The following FAR2 variants were observed in gnomAD, a reference collection of about 807,000 sequenced individuals.
The protein encoded by FAR2 is fatty acyl-CoA reductase 2.
FAR2 carries 19 observed loss-of-function variants against 56.0 expected under a neutral mutation model. The ratio of observed to expected loss-of-function variants is 0.34; its 90% CI spans 0.24 to 0.50. The LOEUF is 0.50. Ranked by LOEUF, FAR2 falls within the 20% of genes least tolerant of loss-of-function variation. The probability of loss-of-function intolerance (pLI) is 0.98; values close to 1 mark genes in which losing one functional copy is unlikely to be tolerated. For missense variants in FAR2, 508 were observed against 642.2 expected, an observed-to-expected ratio of 0.79 and a Z score of 2.26; for synonymous variants, 219 against 218.8, an observed-to-expected ratio of 1.00 and a Z score of -0.01.
At chr12:29,260,659 G>A (rs1024504586) in intron 1 of FAR2, among the ~76,000 whole-genome samples, 1 of 152,108 alleles carries the variant, frequency 6.6e-6, no homozygotes, top group Non-Finnish European at 1.5e-5. Context: ...TTCAGTGCCA[G>A]CTCAGCCAAT....
At chr12:29,258,885 C>T (rs1173261752) in intron 1 of FAR2, among the ~76,000 whole-genome samples, 1 of 152,168 alleles carries the variant, frequency 6.6e-6, no homozygotes, top group Non-Finnish European at 1.5e-5. Flanking sequence ...CTGAAAAAAA[C>T]TTGGTGAAAA....
At chr12:29,303,936 CTCA>C (rs1209225135) in intron 4 of FAR2, among the ~76,000 whole-genome samples, 1 of 152,158 alleles carries the variant, frequency 6.6e-6, no homozygotes, top group African/African-American at 2.4e-5. Context: ...CAGCATCTGG[CTCA>C]TGTTTGAGCC....
chr12:29,240,236 C>T (rs564745708), intron 1 of FAR2, among the ~76,000 whole-genome samples: 1 of 152,304 alleles, frequency 6.6e-6, no homozygotes, highest in African/African-American at 2.4e-5. Context: ...AAACATAACT[C>T]ATGCCAGATT....
chr12:29,288,624 T>C (rs917147897), intron 2 of FAR2, among the ~76,000 whole-genome samples: 3 of 152,104 alleles, frequency 2.0e-5, no homozygotes, highest in African/African-American at 7.2e-5. Flanking sequence ...ATTATAAAAA[T>C]AGAAGGTCTG....
intron 2 of FAR2, among the ~76,000 whole-genome samples, chr12:29,285,047 T>C (rs943557369): frequency 2.0e-5 from 3 of 152,126 alleles, no homozygotes; most frequent in African/African-American, 7.2e-5. Context: ...TTCACTGTGT[T>C]AGCCAGGATG....
chr12:29,181,123 T>A (rs1411279381), intron 1 of FAR2, among the ~76,000 whole-genome samples: 1 of 152,174 alleles, frequency 6.6e-6, no homozygotes, highest in Non-Finnish European at 1.5e-5. Context: ...TATCTTGTTA[T>A]TATGCTTAGA....
At chr12:29,171,360 G>C (rs1170072420) in intron 1 of FAR2, 1 of 152,382 alleles carries the variant, frequency 6.6e-6, no homozygotes, top group African/African-American at 2.4e-5. Context: ...GTTTCTCATA[G>C]GACAATCTTT....
At chr12:29,213,233 G>C (rs1178995432) in intron 1 of FAR2, among the ~76,000 whole-genome samples, 1 of 151,856 alleles carries the variant, frequency 6.6e-6, no homozygotes, top group African/African-American at 2.4e-5. Context: ...ACAAGCAGAA[G>C]ATGAGTAGGA....
chr12:29,171,107 A>G (rs1213149413), intron 1 of FAR2, among the ~76,000 whole-genome samples: 1 of 152,254 alleles, frequency 6.6e-6, no homozygotes, highest in Non-Finnish European at 1.5e-5. Flanking sequence ...GATTCCTCAG[A>G]TGGTAACAGA....
intron 2 of FAR2, chr12:29,292,219 T>C (rs1204963030): frequency 1.3e-5 from 2 of 152,200 alleles, no homozygotes; most frequent in Non-Finnish European, 2.9e-5. Flanking sequence ...ACTTACATCA[T>C]ATGTAAGGAA....
intron 1 of FAR2, among the ~76,000 whole-genome samples, chr12:29,250,646 A>G (rs1948193539): frequency 6.6e-6 from 1 of 152,232 alleles, no homozygotes; most frequent in South Asian, 2.1e-4. Context: ...AATAATTTCA[A>G]ATCAAATCAA....
chr12:29,274,831 C>T (rs1162643472), intron 2 of FAR2, among the ~76,000 whole-genome samples: 8 of 116,186 alleles, frequency 6.9e-5, no homozygotes, highest in African/African-American at 4.5e-4. Context: ...ATAAAACGGC[C>T]CCCACCCCTA....
chr12:29,295,291 C>A (rs1949042444), intron 3 of FAR2, among the ~76,000 whole-genome samples: 1 of 152,268 alleles, frequency 6.6e-6, no homozygotes, highest in East Asian at 1.9e-4. Flanking sequence ...CCAGGCTGGT[C>A]TTGAACTCCT....
chr12:29,239,132 G>A (rs1426106072), intron 1 of FAR2, among the ~76,000 whole-genome samples: 1 of 152,140 alleles, frequency 6.6e-6, no homozygotes, highest in Non-Finnish European at 1.5e-5. Flanking sequence ...ATGGAAGTAT[G>A]GTCCATCAGC....
chr12:29,311,985 A>C, intron 8 of FAR2, 35 bp downstream of exon 8: 2 of 1,489,200 alleles, frequency 1.3e-6, no homozygotes, highest in Admixed American at 3.5e-5. Flanking sequence ...TATAATTACT[A>C]GTGTCTGGCA....
chr12:29,177,653 T>C (rs1356287487), intron 1 of FAR2, among the ~76,000 whole-genome samples: 1 of 152,190 alleles, frequency 6.6e-6, no homozygotes, highest in African/African-American at 2.4e-5. Flanking sequence ...ACACAGTACC[T>C]GAACTGTAGT....
intron 1 of FAR2, among the ~76,000 whole-genome samples, chr12:29,200,949 G>T (rs1431037915): frequency 2.0e-5 from 3 of 152,164 alleles, no homozygotes; most frequent in African/African-American, 7.2e-5. Flanking sequence ...AACACAGCTG[G>T]ACTGGCAGAG....
intron 1 of FAR2, among the ~76,000 whole-genome samples, chr12:29,227,150 C>T (rs907950304): frequency 6.6e-6 from 1 of 152,152 alleles, no homozygotes; most frequent in Non-Finnish European, 1.5e-5. Flanking sequence ...CCGCAGGGCA[C>T]CTTACGTGCC....
At chr12:29,218,438 G>A (rs1354164153) in intron 1 of FAR2, among the ~76,000 whole-genome samples, 1 of 151,652 alleles carries the variant, frequency 6.6e-6, no homozygotes, top group Non-Finnish European at 1.5e-5. Flanking sequence ...TGTATTAATA[G>A]AAATGATCCC....
Sources: gnomAD v4.1 joint callset for allele counts (sites outside exome capture counted in the v4.1 genomes callset) on GRCh38, gnomAD v4.1.1 for gene constraint, MANE v1.5 for transcripts, NCBI Gene and HGNC (gene_info 2026-07-23, HGNC 2026-07-21) for gene names.